ADAMTSL4: variants seen among roughly 807,000 people sequenced by gnomAD.
The protein encoded by ADAMTSL4 is ADAMTS-like protein 4.
Under a neutral mutation model 122.8 loss-of-function variants are expected in ADAMTSL4, and 97 were observed. That is an observed-to-expected ratio of 0.79 (90% CI 0.67 to 0.93). The LOEUF is 0.93. Ranked by LOEUF, ADAMTSL4 falls within the 40% of genes least tolerant of loss-of-function variation. The pLI is 0.00. For synonymous variants in ADAMTSL4, 592 were observed against 568.0 expected (o/e 1.04, Z -0.60); for missense variants, 1,408 against 1,453.5 (o/e 0.97, Z 0.51).
rs143798746 is a variant in ADAMTSL4 at position 150,555,488 on chromosome 1, C to T, written c.1294C>T (p.Arg432Cys). 7.4e-6 allele frequency: 12 copies of T among 1,614,052 alleles called. No homozygotes were observed. Among genetic ancestry groups the T allele is most frequent in the South Asian group, 2.2e-5 (2 of 91,094 alleles). Residue 432 changes from arginine to cysteine, a missense_variant, in exon 8 of 19, where the codon CGT becomes TGT. Arg to Cys is a radical substitution (Grantham distance 180). Coordinates refer to ENST00000271643, the MANE Select transcript of ADAMTSL4 (RefSeq NM_019032.6). Reference protein sequence around the residue: ...CRPRGFRFYVRHTEKVQDGTL... With the variant: ...CRPRGFRFYVCHTEKVQDGTL... ...GCCCCGTGGCTTCCGCTTCTATGTC[C>T]GTCACACTGAAAAGGTCCAGGATGG...
At position 150,558,580 on chromosome 1, in the gene ADAMTSL4, C is replaced by A. The variant is rs774758021; in HGVS notation, c.2490C>A (p.Pro830=). ...EQECASGPPQ[P]PSREACDMGP... is the part of the protein sequence containing the mutation. ...AGTGTGCGTCAGGCCCCCCGCAGCC[C>A]CCCAGCAGAGAGGCCTGTGACATGG... The change falls in exon 15 of 19, where the codon CCC becomes CCA. Residue 830 remains proline, a synonymous_variant. Transcript: ENST00000271643. The A allele has an allele frequency of 9.9e-6, 16 of 1,613,690 alleles. No individual in the cohort carries two copies. Among genetic ancestry groups the A allele is most frequent in the African/African-American group, 5.3e-5 (4 of 74,912 alleles).
At chr1:150,555,235 A>C (rs1031075714) in intron 7 of ADAMTSL4, among the ~76,000 whole-genome samples, 194 bp from the exon 8 acceptor site, 20 of 151,108 alleles carry the variant, frequency 1.3e-4, no homozygotes, top group African/African-American at 4.9e-4. Flanking sequence ...TGATGCACCC[A>C]CCTCGGCCTC....
At position 150,558,970 on chromosome 1, in the gene ADAMTSL4, C is replaced by G; in HGVS notation, c.2568C>G (p.Ala856=). Residue 856 remains alanine (A), a synonymous_variant, in exon 16 of 19, where the codon GCC becomes GCG. Transcript: ENST00000271643. ...FHSDWSSKCS[A]ECGTGIQRRS... is the part of the protein sequence containing the mutation. ...GCTCTCCTCCTCCGCAGTGCTCAGCCGAGTGTGGGACGGGAATCCAGCGGC... is the reference window on the plus strand; with the variant it reads ...GCTCTCCTCCTCCGCAGTGCTCAGCGGAGTGTGGGACGGGAATCCAGCGGC... 5 of 1,608,232 alleles carry G rather than the reference C, an allele frequency of 3.1e-6. No homozygotes were observed. The highest frequency in any genetic ancestry group is 4.2e-6 in the Non-Finnish European group (5 of 1,178,662).
intron 7 of ADAMTSL4, 145 bp from the exon 8 acceptor site, chr1:150,555,284 G>T (rs892421777): frequency 9.6e-7 from 1 of 1,044,000 alleles, no homozygotes. Context: ...CACTGCGCCC[G>T]GCCCTGACCA....
At chr1:150,558,843 C>G in intron 15 of ADAMTSL4, 119 bp from the exon 16 acceptor site, 2 of 1,538,010 alleles carry the variant, frequency 1.3e-6, no homozygotes, top group Non-Finnish European at 1.7e-6. Context: ...GCCTGGTACC[C>G]GGGGACATTC....
chr1:150,559,679 T>C lies in ADAMTSL4; in HGVS notation c.2944-82T>C. The C allele has an allele frequency of 6.2e-7, 1 of 1,606,948 alleles. No individual in the cohort carries two copies. Among genetic ancestry groups the C allele is most frequent in the Non-Finnish European group, 8.5e-7 (1 of 1,176,654 alleles). Reference sequence around the variant, plus strand: ...CTAGGAGGGTCCCCACCACCACCTTTTGGGGAGAGAGGTGGCAGCCAGGGG... The same window carrying C: ...CTAGGAGGGTCCCCACCACCACCTTCTGGGGAGAGAGGTGGCAGCCAGGGG... On this transcript the variant is annotated intron_variant, in intron 17 of 18. Coordinates refer to ENST00000271643, the MANE Select transcript of ADAMTSL4 (RefSeq NM_019032.6). The surrounding 1 kb of genome is among the most constrained non-coding windows in gnomAD (Gnocchi z 4.1).
chr1:150,551,921 C>A, intron 2 of ADAMTSL4: 1 of 286,480 alleles, frequency 3.5e-6, no homozygotes. Context: ...TTTGTGTGTG[C>A]CTGAGCCGGC....
chr1:150,554,696 G>C lies in ADAMTSL4; in HGVS notation c.1234+229G>C. 2 of 1,521,718 alleles carry C rather than the reference G, an allele frequency of 1.3e-6. No homozygotes were observed. The highest frequency in any genetic ancestry group is 1.8e-6 in the Non-Finnish European group (2 of 1,136,194). 94.3% of individuals were successfully genotyped at this position (1,521,718 alleles called of 1,614,324 possible). A position where few individuals can be genotyped will look rare whatever the true frequency, so the allele number is the denominator to read the frequency against. ...AGGTGTGGGAGACACGCTTTGTCCG[G>C]ACTCCCCTGGGAAGGCCATCACTGG... On this transcript the variant is annotated intron_variant, in intron 7 of 18. Coordinates refer to ENST00000271643, the MANE Select transcript of ADAMTSL4 (RefSeq NM_019032.6). This position sits in a 1 kb window ranked among gnomAD's most constrained non-coding sequence, Gnocchi z 4.0.
chr1:150,551,365 A>C, intron 2 of ADAMTSL4: 1 of 288,854 alleles, frequency 3.5e-6, no homozygotes, highest in Non-Finnish European at 6.9e-6. Context: ...TTGGCCAAAA[A>C]GTGTATGAGA....
chr1:150,555,651 A>G, intron 8 of ADAMTSL4, 86 bp downstream of exon 8: 2 of 1,566,380 alleles, frequency 1.3e-6, no homozygotes, highest in Non-Finnish European at 1.7e-6. Context: ...GTACACACAT[A>G]TGTATGAACA....
Position 150,558,593 on chromosome 1 carries a change from G to GC in ADAMTSL4, c.2505dup (p.Cys836LeufsTer2), listed in dbSNP as rs1443867373. 2 of 1,613,758 alleles carry GC rather than the reference G, an allele frequency of 1.2e-6. No homozygotes were observed. The highest frequency in any genetic ancestry group is 2.7e-5 in the African/African-American group (2 of 74,924). On this transcript the variant is annotated frameshift_variant, in exon 15 of 19. Coordinates refer to ENST00000271643, the MANE Select transcript of ADAMTSL4 (RefSeq NM_019032.6). LOFTEE classifies it high-confidence loss of function. ...CCCCCCGCAGCCCCCCAGCAGAGAG[G>GC]CCTGTGACATGGGGCCCTGTACTAC...
intron 14 of ADAMTSL4, 37 bp from the exon 15 acceptor site, chr1:150,558,436 G>A: frequency 6.2e-7 from 1 of 1,611,192 alleles, no homozygotes; most frequent in African/African-American, 1.3e-5. Flanking sequence ...AGAAGGTCTG[G>A]GAAGCCCAGC....
In ADAMTSL4 at chr1:150,549,457, G is replaced by A. The variant is rs1487868521; in HGVS notation, c.-201G>A. The A allele has an allele frequency of 1.3e-5, 2 of 152,228 alleles. No homozygotes were observed. Among genetic ancestry groups the A allele is most frequent in the East Asian group, 3.9e-4 (2 of 5,166 alleles). 9.4% of individuals were successfully genotyped at this position (152,228 alleles called of 1,614,324 possible). ...GCGAGGTTGCCTGGAGAGAGCGCCT[G>A]GGCGCAGAAGGGTTAACGGGCCACC... On this transcript the variant is annotated 5_prime_UTR_variant, in exon 1 of 19. Coordinates refer to ENST00000271643, the MANE Select transcript of ADAMTSL4 (RefSeq NM_019032.6). The surrounding 1 kb of genome is among the most constrained non-coding windows in gnomAD (Gnocchi z 5.0).
intron 8 of ADAMTSL4, 56 bp downstream of exon 8, chr1:150,555,621 G>A (rs1671959635): frequency 3.2e-6 from 5 of 1,572,802 alleles, no homozygotes; most frequent in Admixed American, 1.8e-5. Flanking sequence ...ACAGACACAT[G>A]CCCCCATATG....
rs1672565931 is a variant in ADAMTSL4, at chr1:150,559,490, T to C, written c.2943+24T>C. On this transcript the variant is annotated intron_variant, in intron 17 of 18. Coordinates refer to ENST00000271643, the MANE Select transcript of ADAMTSL4 (RefSeq NM_019032.6). The surrounding 1 kb of genome is among the most constrained non-coding windows in gnomAD (Gnocchi z 4.1). ...CAGTGAGTGTCTGGCTGCGCTGTCC[T>C]GCCCTGCTCAGCCTGGGCCCCTAGG... The C allele has an allele frequency of 1.2e-6, 2 of 1,612,240 alleles. No individual in the cohort carries two copies. The highest frequency in any genetic ancestry group is 1.7e-6 in the Non-Finnish European group (2 of 1,179,896).
Position 150,555,691 on chromosome 1 carries a change from G to A in ADAMTSL4, c.1371+126G>A, listed in dbSNP as rs587759129. The A allele has an allele frequency of 2.7e-4, 357 of 1,323,008 alleles. 1 individual carries two copies. Among genetic ancestry groups the A allele is most frequent in the South Asian group, 8.0e-4 (62 of 77,364 alleles). 82.0% of individuals were successfully genotyped at this position (1,323,008 alleles called of 1,614,324 possible). A position where few individuals can be genotyped will look rare whatever the true frequency, so the allele number is the denominator to read the frequency against. ...CACACATGCAAGCACATACACACAC[G>A]CATATGCGCACAGACACATGCACAC... On this transcript the variant is annotated intron_variant, in intron 8 of 18. Coordinates refer to ENST00000271643, the MANE Select transcript of ADAMTSL4 (RefSeq NM_019032.6).
Position 150,552,261 on chromosome 1 carries a change from C to T in ADAMTSL4, c.-28C>T. The T allele has an allele frequency of 1.9e-6, 3 of 1,551,066 alleles. No individual in the cohort carries two copies. The highest frequency in any genetic ancestry group is 2.6e-6 in the Non-Finnish European group (3 of 1,146,480). ...GTTTTTGTGACCAGTCCGCTCCTGC[C>T]TCCCCCTGGGGCAGTAGAGGGGGAG... On this transcript the variant is annotated 5_prime_UTR_variant, in exon 3 of 19. Coordinates refer to ENST00000271643, the MANE Select transcript of ADAMTSL4 (RefSeq NM_019032.6). The surrounding 1 kb of genome is among the most constrained non-coding windows in gnomAD (Gnocchi z 4.0).
intron 14 of ADAMTSL4, 88 bp from the exon 15 acceptor site, chr1:150,558,385 G>T: frequency 6.3e-7 from 1 of 1,591,042 alleles, no homozygotes. Flanking sequence ...GGGGATCGAA[G>T]GCAGAGCCTG....
chr1:150,559,159 G>T lies in ADAMTSL4; in HGVS notation c.2757G>T (p.Trp919Cys). Residue 919 changes from tryptophan to cysteine, a missense_variant, in exon 16 of 19, where the codon TGG becomes TGT. Physicochemically the swap from Trp to Cys is radical, Grantham distance 215. Transcript: ENST00000271643. The surrounding 1 kb of genome is among the most constrained non-coding windows in gnomAD (Gnocchi z 4.1). ...ERTWRWYTGP[W>C]GECSSECGSG... The stretch of plus-strand genomic sequence containing the variant: ...CTTGGCGCTGGTACACAGGGCCCTG[G>T]GGTGAGGTAAGCTGAGCGCCTGCTG... The T allele has an allele frequency of 6.2e-7, 1 of 1,612,534 alleles. No homozygotes were observed. Among genetic ancestry groups the T allele is most frequent in the Non-Finnish European group, 8.5e-7 (1 of 1,179,710 alleles).
Sources: gnomAD v4.1 joint callset for allele counts (sites outside exome capture counted in the v4.1 genomes callset) on GRCh38, gnomAD v4.1.1 for gene constraint, Gnocchi (gnomAD v3.1) non-coding constraint, MANE v1.5 for transcripts, NCBI Gene and HGNC (gene_info 2026-07-23, HGNC 2026-07-21) for gene names.